ZCCHC2: variants seen among roughly 807,000 people sequenced by gnomAD.
The protein encoded by ZCCHC2 is zinc finger CCHC-type containing 2.
In ZCCHC2, 39 loss-of-function variants were observed where a neutral mutation model predicts 103.6. That is an observed-to-expected ratio of 0.38 (90% confidence interval 0.29 to 0.49). ZCCHC2 has a LOEUF of 0.49. Among genes scored for constraint, ZCCHC2 ranks in the 20% least tolerant of loss-of-function variants. The pLI is 0.96. For synonymous variants in ZCCHC2, 687 were observed against 608.9 expected, an observed-to-expected ratio of 1.13 and a Z score of -1.89; for missense variants, 1,483 against 1,491.0, an observed-to-expected ratio of 0.99 and a Z score of 0.09.
At position 62,577,422 on chromosome 18, in the gene ZCCHC2, A is replaced by G. The variant is rs1404846439; in HGVS notation, c.*843A>G. On this transcript the variant is annotated 3_prime_UTR_variant, in exon 14 of 14. Coordinates refer to ENST00000269499, the MANE Select transcript of ZCCHC2 (RefSeq NM_017742.6). ...TCGCTCTCTGTGTGCTTGTGTTTGTAATGAAAGTCTACAGCCAATTTTACT... is the reference window on the plus strand; with the variant it reads ...TCGCTCTCTGTGTGCTTGTGTTTGTGATGAAAGTCTACAGCCAATTTTACT... The G allele has an allele frequency of 6.6e-6, 1 of 152,292 alleles. No individual in the cohort carries two copies. Among genetic ancestry groups the G allele is most frequent in the Non-Finnish European group, 1.5e-5 (1 of 68,040 alleles). The allele number at this position is 152,292 out of a possible 1,614,324, so 9.4% of individuals were successfully genotyped here.
chr18:62,531,522 C>T (rs957471926), intron 1 of ZCCHC2, among the ~76,000 whole-genome samples: 1 of 152,172 alleles, frequency 6.6e-6, no homozygotes, highest in Non-Finnish European at 1.5e-5. Flanking sequence ...GATATCATTC[C>T]TATCTGTTTC....
chr18:62,532,131 G>T (rs1476196141), intron 1 of ZCCHC2, among the ~76,000 whole-genome samples: 1 of 152,238 alleles, frequency 6.6e-6, no homozygotes, highest in East Asian at 1.9e-4. Flanking sequence ...GTGCGCGCGC[G>T]CGCACGTGCG....
chr18:62,523,351 G>A lies in ZCCHC2; in HGVS notation c.-74G>A, dbSNP rs937708752. 8 of 987,846 alleles carry A rather than the reference G, an allele frequency of 8.1e-6. No individual in the cohort carries two copies. Among genetic ancestry groups the A allele is most frequent in the Non-Finnish European group, 9.6e-6 (8 of 832,930 alleles). 61.2% of individuals were successfully genotyped at this position (987,846 alleles called of 1,614,324 possible). A position where few individuals can be genotyped will look rare whatever the true frequency, so the allele number is the denominator to read the frequency against. Reference sequence around the variant, plus strand: ...CCCCGCTCCTGACGGCCGCGCCGCCGCCTCGGCCCGTGCTCCACCTCGCGG... The same window carrying A: ...CCCCGCTCCTGACGGCCGCGCCGCCACCTCGGCCCGTGCTCCACCTCGCGG... On this transcript the variant is annotated 5_prime_UTR_variant, in exon 1 of 14. Transcript: ENST00000269499.
At chr18:62,544,335 G>A (rs1049084957) in intron 3 of ZCCHC2, among the ~76,000 whole-genome samples, 1 of 152,052 alleles carries the variant, frequency 6.6e-6, no homozygotes, top group Admixed American at 6.6e-5. Flanking sequence ...AAATCTCTTC[G>A]AACCATAAAT....
At chr18:62,568,234 T>G (rs1916454540) in intron 11 of ZCCHC2, among the ~76,000 whole-genome samples, 1 of 152,188 alleles carries the variant, frequency 6.6e-6, no homozygotes, top group Non-Finnish European at 1.5e-5. Flanking sequence ...GTGGTTTATG[T>G]TTTACTTTTT....
intron 8 of ZCCHC2, among the ~76,000 whole-genome samples, chr18:62,561,790 T>G (rs1372909921): frequency 6.6e-6 from 1 of 152,222 alleles, no homozygotes; most frequent in Non-Finnish European, 1.5e-5. Context: ...CTGATTACTT[T>G]TAAGGTTTTG....
intron 5 of ZCCHC2, among the ~76,000 whole-genome samples, chr18:62,550,766 C>T (rs958507347): frequency 5.3e-5 from 8 of 152,186 alleles, no homozygotes; most frequent in Non-Finnish European, 1.2e-4. Flanking sequence ...TCCAAGAGCT[C>T]TACTTTGGAG....
At chr18:62,554,042 A>G (rs911682883) in intron 5 of ZCCHC2, among the ~76,000 whole-genome samples, 28 of 152,224 alleles carry the variant, frequency 1.8e-4, no homozygotes, top group African/African-American at 6.5e-4. Flanking sequence ...TTCAAAAAAT[A>G]TGTTTTCTTC....
At chr18:62,583,955 G>A (rs1278777841) in intron 14 of ZCCHC2, among the ~76,000 whole-genome samples, 1 of 152,128 alleles carries the variant, frequency 6.6e-6, no homozygotes, top group African/African-American at 2.4e-5. Flanking sequence ...ACAGGCCAGG[G>A]CGGACAACCT....
chr18:62,575,512 A>G lies in ZCCHC2; in HGVS notation c.3431A>G (p.Gln1144Arg). 6.2e-7 allele frequency: 1 copy of G among 1,614,070 alleles called. No individual in the cohort carries two copies. The highest frequency in any genetic ancestry group is 8.5e-7 in the Non-Finnish European group (1 of 1,179,892). The change falls in exon 13 of 14, where the codon CAG (glutamine) becomes CGG (arginine). Residue 1144 changes from glutamine (Q) to arginine (R), a missense_variant. This residue lies in a region of ZCCHC2 where 884 missense variants were observed against 907.5 expected (regional missense o/e 0.97). Coordinates refer to ENST00000269499, the MANE Select transcript of ZCCHC2 (RefSeq NM_017742.6). ...TGTGGTGTAAGCGGACACTATGCAC[A>G]GGACTGTAAGCAGTCGTCCATGGAG... is the stretch of plus-strand genomic sequence containing the variant. ...YNCGVSGHYA[Q>R]DCKQSSMEAN...
chr18:62,576,453 G>A, intron 13 of ZCCHC2, 59 bp from the exon 14 acceptor site: 1 of 1,458,448 alleles, frequency 6.9e-7, no homozygotes, highest in Non-Finnish European at 9.6e-7. Context: ...CTTGTACGTA[G>A]TGGTTTGTGA....
At chr18:62,563,957 A>T (rs1309646156) in intron 9 of ZCCHC2, among the ~76,000 whole-genome samples, 1 of 152,134 alleles carries the variant, frequency 6.6e-6, no homozygotes, top group Non-Finnish European at 1.5e-5. Context: ...CCTCGCAGAT[A>T]TGGGGGGAGG....
chr18:62,585,335 T>A (rs1917143031), exon 15 of ZCCHC2: 2 of 152,232 alleles, frequency 1.3e-5, no homozygotes, highest in South Asian at 4.1e-4. Context: ...TGACTGCTGA[T>A]GTTTTTAAAG....
At chr18:62,528,935 G>A (rs1914561629) in intron 1 of ZCCHC2, among the ~76,000 whole-genome samples, 1 of 152,034 alleles carries the variant, frequency 6.6e-6, no homozygotes, top group South Asian at 2.1e-4. Flanking sequence ...CAAGGCAGGT[G>A]GATCACCTGA....
At chr18:62,572,663 G>A (rs568698556) in intron 12 of ZCCHC2, among the ~76,000 whole-genome samples, 66 of 152,244 alleles carry the variant, frequency 4.3e-4, no homozygotes, top group African/African-American at 1.5e-3. Flanking sequence ...TGCACAAAAG[G>A]GTGAGACATG....
At chr18:62,544,751 G>A (rs1356206265) in intron 3 of ZCCHC2, 51 bp from the exon 4 acceptor site, 32 of 1,459,330 alleles carry the variant, frequency 2.2e-5, no homozygotes, top group East Asian at 1.6e-4. Flanking sequence ...TTTTCTAGCC[G>A]GTTCCTGCCT....
Position 62,574,744 on chromosome 18 carries a change from A to G in ZCCHC2, c.2663A>G (p.Asn888Ser), listed in dbSNP as rs780826136. Residue 888 changes from asparagine to serine, a missense_variant, in exon 13 of 14, where the codon AAC (asparagine) becomes AGC (serine). By Grantham distance (46) the Asn-to-Ser change is conservative. Around this residue, in one of 3 missense-constraint regions of ZCCHC2, gnomAD observed 884 missense variants for 907.5 expected, o/e 0.97. Coordinates refer to ENST00000269499, the MANE Select transcript of ZCCHC2 (RefSeq NM_017742.6). Reference sequence around the variant, plus strand: ...CAAATGGTGCCTCAAATTGAGGGAAACACAGGGACAGTCCCTCAGCCTACC... The same window carrying G: ...CAAATGGTGCCTCAAATTGAGGGAAGCACAGGGACAGTCCCTCAGCCTACC... Reference protein sequence around the residue: ...LNQMVPQIEGNTGTVPQPTNV... With the variant: ...LNQMVPQIEGSTGTVPQPTNV... 13 of 1,613,986 alleles carry G rather than the reference A, an allele frequency of 8.1e-6. 1 individual carries two copies. The South Asian group carries it at 1.3e-4, about 16-fold the overall frequency.
At chr18:62,547,325 T>TA (rs78827586) in intron 4 of ZCCHC2, among the ~76,000 whole-genome samples, 59,800 of 139,660 alleles carry the variant, frequency 0.43, 13,584 homozygotes, top group African/African-American at 0.62. Flanking sequence ...AACTCCATCT[T>TA]AAAAAAAAAA....
chr18:62,543,708 C>T (rs766378513), intron 3 of ZCCHC2, among the ~76,000 whole-genome samples: 2 of 152,178 alleles, frequency 1.3e-5, no homozygotes, highest in Non-Finnish European at 2.9e-5. Context: ...TCATGTGCAT[C>T]TCTCCGTTCT....
Sources: allele counts gnomAD v4.1 joint callset (sites outside exome capture counted in the v4.1 genomes callset), GRCh38; gene constraint gnomAD v4.1.1; regional missense constraint gnomAD v4.1.1; transcripts MANE v1.5; gene names NCBI Gene and HGNC (gene_info 2026-07-23, HGNC 2026-07-21).